EVC2: variants seen among roughly 807,000 people sequenced by gnomAD.
EVC2 encodes the protein limbin.
EVC2 carries 148 observed loss-of-function variants against 149.3 expected under a neutral mutation model. The observed-to-expected ratio is 0.99, with a 90% CI of 0.87 to 1.14. The LOEUF (loss-of-function observed/expected upper bound fraction) is 1.14, where lower values mean the gene tolerates loss of function less well. Ranked by LOEUF, EVC2 falls within the 50% of genes most tolerant of loss-of-function variation. The probability of loss-of-function intolerance (pLI) is 0.00; values close to 1 mark genes in which losing one functional copy is unlikely to be tolerated. For missense variants in EVC2, 1,854 were observed against 1,627.3 expected (o/e 1.14, Z -2.40); for synonymous variants, 776 against 649.9 (o/e 1.19, Z -2.95).
chr4:5,624,081 A>T (rs1277241711), intron 13 of EVC2, among the ~76,000 whole-genome samples: 2 of 152,204 alleles, frequency 1.3e-5, no homozygotes, highest in Non-Finnish European at 2.9e-5. Flanking sequence ...TCAAGGAAGA[A>T]GATCTAAGTG....
In EVC2 at chr4:5,576,392, C is replaced by T; in HGVS notation, c.3120G>A (p.Gln1040=). 1 of 1,613,694 alleles carries T rather than the reference C, an allele frequency of 6.2e-7. No homozygotes were observed. The highest frequency in any genetic ancestry group is 2.2e-5 in the East Asian group (1 of 44,874). The change falls in exon 18 of 22, where the codon CAG becomes CAA. Residue 1040 remains glutamine, a synonymous_variant. Transcript: ENST00000344408. The surrounding 1 kb of genome is among the most constrained non-coding windows in gnomAD (Gnocchi z 4.5). ...DQLVQQEAAQ[Q]QQALASWQQW... ...GCTGCCAGCTCGCCAGGGCCTGCTG[C>T]TGCTGGGCTGCCTCCTGCTGCACCA... is the stretch of plus-strand genomic sequence containing the variant.
In EVC2 at chr4:5,708,328, G is replaced by A; in HGVS notation, c.186C>T (p.Ile62=). 2.0e-6 allele frequency: 3 copies of A among 1,469,922 alleles called. No homozygotes were observed. Among genetic ancestry groups the A allele is most frequent in the Non-Finnish European group, 2.7e-6 (3 of 1,116,574 alleles). 91.1% of individuals were successfully genotyped at this position (1,469,922 alleles called of 1,614,324 possible). The change falls in exon 1 of 22, where the codon ATC becomes ATT. Residue 62 remains isoleucine (I), a synonymous_variant. Coordinates refer to ENST00000344408, the MANE Select transcript of EVC2 (RefSeq NM_147127.5). ...VAPRSGPGLR[I]PPGRSGAGPE... Reference sequence around the variant, plus strand: ...GCCCCGCCCCGCTCCGCCCCGGAGGGATCCTCAGGCCGGGCCCAGACCTAG... The same window carrying A: ...GCCCCGCCCCGCTCCGCCCCGGAGGAATCCTCAGGCCGGGCCCAGACCTAG...
rs1257734319 is a variant in EVC2, at chr4:5,633,994, G to C, written c.1471-1962C>G. 6.6e-6 allele frequency among the ~76,000 whole-genome samples: 1 copy of C among 152,200 alleles called. No individual in the cohort carries two copies. The highest frequency in any genetic ancestry group is 1.5e-5 in the Non-Finnish European group (1 of 68,030). ...GCCAGAAAGACAAGCATTATTTAGA[G>C]CCTTCTAAAGAGGTCCAAGGGCCAA... is the stretch of plus-strand genomic sequence containing the variant. On this transcript the variant is annotated intron_variant, in intron 10 of 21. Transcript: ENST00000344408. The surrounding 1 kb of genome is among the most constrained non-coding windows in gnomAD (Gnocchi z 4.4).
chr4:5,615,374 C>A, intron 16 of EVC2, 48 bp downstream of exon 16: 4 of 1,613,380 alleles, frequency 2.5e-6, no homozygotes, highest in Non-Finnish European at 3.4e-6. Flanking sequence ...ATCAGAGCAG[C>A]CCCGCCATGT....
At position 5,625,639 on chromosome 4, in the gene EVC2, T is replaced by G; in HGVS notation, c.2046+110A>C. The G allele has an allele frequency of 7.0e-7, 1 of 1,428,396 alleles. No individual in the cohort carries two copies. The highest frequency in any genetic ancestry group is 9.7e-7 in the Non-Finnish European group (1 of 1,029,512). The allele number at this position is 1,428,396 out of a possible 1,614,324, so 88.5% of individuals were successfully genotyped here. A position where few individuals can be genotyped will look rare whatever the true frequency, so the allele number is the denominator to read the frequency against. Reference sequence around the variant, plus strand: ...TGGCACATCATGGTGCCTGCCCAGCTGCCCTTCTGATCCTAGTTCACCAAT... The same window carrying G: ...TGGCACATCATGGTGCCTGCCCAGCGGCCCTTCTGATCCTAGTTCACCAAT... On this transcript the variant is annotated intron_variant, in intron 13 of 21. Coordinates refer to ENST00000344408, the MANE Select transcript of EVC2 (RefSeq NM_147127.5). The surrounding 1 kb of genome is among the most constrained non-coding windows in gnomAD (Gnocchi z 4.0).
intron 6 of EVC2, among the ~76,000 whole-genome samples, chr4:5,682,605 TC>T (rs1720426502): frequency 1.3e-5 from 2 of 151,696 alleles, no homozygotes; most frequent in South Asian, 4.2e-4. Flanking sequence ...ACACTTGTAA[TC>T]TCAGCACTTT....
chr4:5,543,585 T>G (rs895884782), intron 21 of EVC2, among the ~76,000 whole-genome samples: 1 of 151,956 alleles, frequency 6.6e-6, no homozygotes, highest in African/African-American at 2.4e-5. Flanking sequence ...GGAGGTAAGG[T>G]GCCAGGGGGA....
intron 12 of EVC2, among the ~76,000 whole-genome samples, chr4:5,626,710 C>T (rs1716144067): frequency 6.6e-6 from 1 of 152,140 alleles, no homozygotes; most frequent in Admixed American, 6.5e-5. Context: ...CTCAGTAAAG[C>T]AGACGGCCCT....
intron 7 of EVC2, among the ~76,000 whole-genome samples, chr4:5,669,838 G>C (rs1232325323): frequency 6.6e-6 from 1 of 152,202 alleles, no homozygotes; most frequent in Non-Finnish European, 1.5e-5. Flanking sequence ...GCTTAAAGTA[G>C]CAACACAGTT....
chr4:5,674,049 C>A (rs1719838967), intron 7 of EVC2, among the ~76,000 whole-genome samples: 1 of 143,104 alleles, frequency 7.0e-6, no homozygotes, highest in Non-Finnish European at 1.5e-5. Context: ...AATGTTTCCT[C>A]CGGAACAGTC....
At chr4:5,603,059 A>T (rs1442258477) in intron 16 of EVC2, among the ~76,000 whole-genome samples, 1 of 152,206 alleles carries the variant, frequency 6.6e-6, no homozygotes, top group Non-Finnish European at 1.5e-5. Flanking sequence ...GATAAAAATG[A>T]AAAGTAAAAT....
In EVC2 at chr4:5,663,216, AG is replaced by A; in HGVS notation, c.1035del (p.Leu346CysfsTer9). ...ACGCCATCAGCTGAGGTGAACGGCAAGGGTTCCAGCTTGCTCTCATACTGCC... is the reference window on the plus strand; with the variant it reads ...ACGCCATCAGCTGAGGTGAACGGCAAGGTTCCAGCTTGCTCTCATACTGCC... The part of the protein sequence containing the change: ...RVWQYESKLE[P>X]LPFTSADGVN... On this transcript the variant is annotated frameshift_variant, in exon 9 of 22. Transcript: ENST00000344408. LOFTEE classifies it high-confidence loss of function. 1 of 1,614,158 alleles carries A rather than the reference AG, an allele frequency of 6.2e-7. No individual in the cohort carries two copies. The highest frequency in any genetic ancestry group is 8.5e-7 in the Non-Finnish European group (1 of 1,180,030).
intron 5 of EVC2, 111 bp downstream of exon 5, chr4:5,689,046 G>T: frequency 8.5e-7 from 1 of 1,177,496 alleles, no homozygotes; most frequent in African/African-American, 1.5e-5. Flanking sequence ...GATTAGGAGA[G>T]TGAACATGTG....
intron 16 of EVC2, among the ~76,000 whole-genome samples, chr4:5,612,423 C>T (rs1262504644): frequency 6.6e-6 from 1 of 152,100 alleles, no homozygotes; most frequent in Non-Finnish European, 1.5e-5. Flanking sequence ...ATTAAAATGA[C>T]TAGTTTTGGC....
At chr4:5,681,154 G>T in intron 7 of EVC2, 106 bp downstream of exon 7, 5 of 1,302,566 alleles carry the variant, frequency 3.8e-6, no homozygotes, top group Non-Finnish European at 5.6e-6. Context: ...GCATAACTGG[G>T]GGACCAAGGC....
rs1402146625 is a variant in EVC2 at position 5,584,975 on chromosome 4, A to T, written c.2830-125T>A. On this transcript the variant is annotated intron_variant, in intron 16 of 21. Transcript: ENST00000344408. ...GAGGACCACCAAAAGTTTACAATGG[A>T]GACGCACTGGGAACCTGCAGGGAGC... The T allele has an allele frequency of 8.7e-6, 9 of 1,032,430 alleles. No individual in the cohort carries two copies. The African/African-American group carries it at 1.4e-4, about 16-fold the overall frequency. The allele number at this position is 1,032,430 out of a possible 1,614,324, so 64.0% of individuals were successfully genotyped here. A position where few individuals can be genotyped will look rare whatever the true frequency, so the allele number is the denominator to read the frequency against.
At chr4:5,653,853 G>A (rs1471186501) in intron 9 of EVC2, among the ~76,000 whole-genome samples, 2 of 152,134 alleles carry the variant, frequency 1.3e-5, no homozygotes, top group Admixed American at 6.6e-5. Flanking sequence ...TGTTACAAAC[G>A]AGGCCCACCC....
chr4:5,546,655 T>A (rs1721628935), intron 21 of EVC2, among the ~76,000 whole-genome samples: 1 of 151,888 alleles, frequency 6.6e-6, no homozygotes, highest in Non-Finnish European at 1.5e-5. Flanking sequence ...ACATGGCACA[T>A]GTATACATAT....
chr4:5,675,672 C>T (rs1435471796), intron 7 of EVC2, among the ~76,000 whole-genome samples: 5 of 152,092 alleles, frequency 3.3e-5, no homozygotes, highest in Admixed American at 6.5e-5. Flanking sequence ...AGCCTGGGTG[C>T]GGTGGCTCAT....
Sources: gnomAD v4.1 joint callset for allele counts (sites outside exome capture counted in the v4.1 genomes callset) on GRCh38, gnomAD v4.1.1 for gene constraint, Gnocchi (gnomAD v3.1) non-coding constraint, MANE v1.5 for transcripts, NCBI Gene and HGNC (gene_info 2026-07-23, HGNC 2026-07-21) for gene names.